The following KDM4B variants were observed in gnomAD, a reference collection of about 807,000 sequenced individuals.
KDM4B encodes the protein lysine demethylase 4B.
In KDM4B, 32 loss-of-function variants were observed where a neutral mutation model predicts 125.2. That is an observed-to-expected ratio of 0.26 (90% CI 0.19 to 0.34). The LOEUF (loss-of-function observed/expected upper bound fraction) is 0.34, where lower values mean the gene tolerates loss of function less well. Ranked by LOEUF, KDM4B falls within the 10% of genes least tolerant of loss-of-function variation. KDM4B has a pLI of 1.00. For missense variants in KDM4B, 1,190 were observed against 1,577.7 expected (o/e 0.75, Z 4.16); for synonymous variants, 721 against 677.9 (o/e 1.06, Z -0.99).
Position 5,152,052 on chromosome 19 carries a change from T to C in KDM4B, c.*541T>C, listed in dbSNP as rs1051535937. On this transcript the variant is annotated 3_prime_UTR_variant, in exon 23 of 23. Transcript: ENST00000159111. The stretch of plus-strand genomic sequence containing the variant: ...TTTTTTTGTTGTTGTTTTAAAATAT[T>C]ATGATTTGGCTACAGACCAGGCAGG... 7 of 152,286 alleles carry C rather than the reference T, an allele frequency of 4.6e-5. No individual in the cohort carries two copies. Among genetic ancestry groups the C allele is most frequent in the African/African-American group, 1.7e-4 (7 of 41,560 alleles). The allele number at this position is 152,286 out of a possible 1,614,324, so 9.4% of individuals were successfully genotyped here.
At chr19:4,987,510 C>G (rs2034880641) in intron 1 of KDM4B, among the ~76,000 whole-genome samples, 1 of 151,992 alleles carries the variant, frequency 6.6e-6, no homozygotes, top group South Asian at 2.1e-4. Context: ...TGGCATGTCT[C>G]TGGTTGGGGA....
Position 5,144,727 on chromosome 19 carries a change from G to A in KDM4B, c.2902-56G>A, listed in dbSNP as rs112326500. On this transcript the variant is annotated intron_variant, in intron 20 of 22. Coordinates refer to ENST00000159111, the MANE Select transcript of KDM4B (RefSeq NM_015015.3). ...GCGCGGAGAGGGTCTAAAACCCAGC[G>A]ACAGCCCCCAGCGTAGTGTGGCCAG... is the stretch of plus-strand genomic sequence containing the variant. 2.6e-3 allele frequency: 4,198 copies of A among 1,604,462 alleles called. 101 individuals carry two copies. In the African/African-American group the frequency reaches 0.05, roughly 19 times the overall value.
At chr19:4,974,166 G>A (rs2034361197) in intron 1 of KDM4B, among the ~76,000 whole-genome samples, 1 of 151,212 alleles carries the variant, frequency 6.6e-6, no homozygotes, top group South Asian at 2.1e-4. Context: ...TGGGAGCCAA[G>A]GCGGGCAGAT....
At chr19:4,970,985 G>A (rs1030011033) in intron 1 of KDM4B, among the ~76,000 whole-genome samples, 2 of 152,130 alleles carry the variant, frequency 1.3e-5, no homozygotes, top group African/African-American at 4.8e-5. Context: ...GGAGGAAAAG[G>A]GGGTAACGGA....
intron 2 of KDM4B, among the ~76,000 whole-genome samples, chr19:5,022,122 C>T (rs1462801464): frequency 6.6e-6 from 1 of 152,144 alleles, no homozygotes; most frequent in Non-Finnish European, 1.5e-5. Context: ...AGTCAAGTGG[C>T]CCGGAGGTGG....
chr19:5,067,991 T>A (rs1184609259), intron 6 of KDM4B, among the ~76,000 whole-genome samples: 2 of 152,120 alleles, frequency 1.3e-5, no homozygotes, highest in African/African-American at 2.4e-5. Context: ...CCTGACTTGG[T>A]TTTACAGCCC....
At chr19:5,059,925 C>T (rs1158560354) in intron 6 of KDM4B, among the ~76,000 whole-genome samples, 1 of 152,252 alleles carries the variant, frequency 6.6e-6, no homozygotes, top group Non-Finnish European at 1.5e-5. Context: ...GTGTGGCTCA[C>T]TCCCACCACG....
At chr19:5,101,748 G>A (rs2038939568) in intron 9 of KDM4B, among the ~76,000 whole-genome samples, 1 of 151,630 alleles carries the variant, frequency 6.6e-6, no homozygotes, top group African/African-American at 2.4e-5. Context: ...GGAAGGGCGG[G>A]GAGGGCCTCA....
chr19:5,128,608 C>T (rs535141224), intron 11 of KDM4B, among the ~76,000 whole-genome samples: 10 of 152,328 alleles, frequency 6.6e-5, no homozygotes, highest in African/African-American at 2.2e-4. Flanking sequence ...TCCTGACAGG[C>T]GCTCGGGGTG....
At position 5,035,549 on chromosome 19, in the gene KDM4B, G is replaced by C. The variant is rs1003593804; in HGVS notation, c.141+2518G>C. Among the ~76,000 whole-genome samples the C allele has an allele frequency of 6.6e-6, 1 of 152,000 alleles. No individual in the cohort carries two copies. Among genetic ancestry groups the C allele is most frequent in the South Asian group, 2.1e-4 (1 of 4,810 alleles). ...TGTCCTCCCCCGCGCTGGCACCTCC[G>C]CTTCGTCCCTCCCTCCCTCTGCCTC... On this transcript the variant is annotated intron_variant, in intron 3 of 22. Coordinates refer to ENST00000159111, the MANE Select transcript of KDM4B (RefSeq NM_015015.3). The surrounding 1 kb of genome is among the most constrained non-coding windows in gnomAD (Gnocchi z 5.3).
Position 5,082,442 on chromosome 19 carries a change from T to C in KDM4B, c.856T>C (p.Cys286Arg). 6.2e-7 allele frequency: 1 copy of C among 1,613,544 alleles called. No homozygotes were observed. Among genetic ancestry groups the C allele is most frequent in the Non-Finnish European group, 8.5e-7 (1 of 1,179,852 alleles). Reference protein sequence around the residue: ...YHAGFNHGFNCAESTNFATLR... With the variant: ...YHAGFNHGFNRAESTNFATLR... ...CGCCGGCTTCAATCACGGGTTCAAC[T>C]GCGCAGAATCTACCAACTTCGCCAC... The change falls in exon 9 of 23, where the codon TGC (cysteine) becomes CGC (arginine). Residue 286 changes from cysteine to arginine, a missense_variant. Cys to Arg is a radical substitution (Grantham distance 180). Around this residue, in one of 7 missense-constraint regions of KDM4B, gnomAD observed 75 missense variants for 218.2 expected, o/e 0.34. Coordinates refer to ENST00000159111, the MANE Select transcript of KDM4B (RefSeq NM_015015.3). The surrounding 1 kb of genome is among the most constrained non-coding windows in gnomAD (Gnocchi z 5.4).
intron 18 of KDM4B, among the ~76,000 whole-genome samples, chr19:5,143,466 C>T (rs1025280974): frequency 6.6e-5 from 10 of 152,176 alleles, no homozygotes; most frequent in Admixed American, 4.6e-4. Context: ...CATTACCAGT[C>T]GCTCCCATCC....
intron 9 of KDM4B, among the ~76,000 whole-genome samples, chr19:5,107,348 A>G (rs1372939589): frequency 3.3e-5 from 5 of 152,194 alleles, no homozygotes; most frequent in African/African-American, 1.2e-4. Flanking sequence ...TGCCTTCCTT[A>G]TCTGTCGCGA....
chr19:4,994,883 C>G (rs190530720), intron 1 of KDM4B, among the ~76,000 whole-genome samples: 1 of 152,048 alleles, frequency 6.6e-6, no homozygotes, highest in South Asian at 2.1e-4. Flanking sequence ...TAGTTGCTGT[C>G]GGTCTTATAG....
At chr19:5,143,941 GC>G (rs2039790930) in intron 18 of KDM4B, 25 bp from the exon 19 acceptor site, 9 of 1,553,806 alleles carry the variant, frequency 5.8e-6, no homozygotes, top group Non-Finnish European at 7.0e-6. Context: ...CGAGCCCCAT[GC>G]CCCTGCCTGT....
intron 11 of KDM4B, among the ~76,000 whole-genome samples, chr19:5,123,225 G>A (rs1027287223): frequency 6.6e-6 from 1 of 152,236 alleles, no homozygotes; most frequent in African/African-American, 2.4e-5. Flanking sequence ...GCTGTGCTCC[G>A]TTTGTTTAAA....
intron 5 of KDM4B, among the ~76,000 whole-genome samples, chr19:5,043,144 C>T (rs974061152): frequency 6.6e-6 from 1 of 151,382 alleles, no homozygotes; most frequent in African/African-American, 2.4e-5. Context: ...CCACCTTGTC[C>T]CGAGTGGTGT....
intron 6 of KDM4B, among the ~76,000 whole-genome samples, chr19:5,060,307 T>C (rs1368307588): frequency 6.6e-6 from 1 of 151,880 alleles, no homozygotes; most frequent in East Asian, 1.9e-4. Context: ...GGTGTTGTGG[T>C]GGGTGCCTGT....
intron 9 of KDM4B, among the ~76,000 whole-genome samples, chr19:5,105,187 G>C (rs2039011434): frequency 6.6e-6 from 1 of 152,228 alleles, no homozygotes; most frequent in South Asian, 2.1e-4. Flanking sequence ...AGGAGGCCAG[G>C]ACTCTCCATG....
Sources: gnomAD v4.1 joint callset for allele counts (sites outside exome capture counted in the v4.1 genomes callset) on GRCh38, gnomAD v4.1.1 for gene constraint, gnomAD v4.1.1 regional missense constraint, Gnocchi (gnomAD v3.1) non-coding constraint, MANE v1.5 for transcripts, NCBI Gene and HGNC (gene_info 2026-07-23, HGNC 2026-07-21) for gene names.